CCDC102B: variants seen among roughly 807,000 people sequenced by gnomAD.
CCDC102B encodes the protein coiled-coil domain-containing protein 102B.
A neutral mutation model predicts 57.4 loss-of-function variants in CCDC102B; 75 were observed. That is an observed-to-expected ratio of 1.31 (90% CI 1.08 to 1.58). The LOEUF is 1.58. CCDC102B is among the 40% of genes most tolerant of loss of function. The pLI is 0.00. For synonymous variants in CCDC102B, 206 were observed against 201.9 expected (o/e 1.02, Z -0.17); for missense variants, 636 against 582.6 (o/e 1.09, Z -0.94).
intron 2 of CCDC102B, among the ~76,000 whole-genome samples, chr18:68,786,769 G>A (rs1347864360): frequency 6.6e-6 from 1 of 150,546 alleles, no homozygotes; most frequent in African/African-American, 2.4e-5. Context: ...CATGTCGTCT[G>A]CAAACAGGGA....
At chr18:69,022,806 A>T (rs925015591) in intron 7 of CCDC102B, among the ~76,000 whole-genome samples, 1 of 151,896 alleles carries the variant, frequency 6.6e-6, no homozygotes, top group Non-Finnish European at 1.5e-5. Flanking sequence ...ATTTTAATTT[A>T]TGTTTACCCT....
chr18:68,780,003 T>A (rs1017526405), intron 2 of CCDC102B, among the ~76,000 whole-genome samples: 1 of 152,150 alleles, frequency 6.6e-6, no homozygotes, highest in African/African-American at 2.4e-5. Flanking sequence ...CCTGTGTGCA[T>A]CAGCAGTCAC....
intron 6 of CCDC102B, among the ~76,000 whole-genome samples, chr18:68,992,471 C>G (rs117003141): frequency 1.1e-4 from 17 of 152,116 alleles, no homozygotes; most frequent in African/African-American, 4.1e-4. Flanking sequence ...CTACAATGAT[C>G]GAATCGCCCG....
At chr18:68,864,822 A>G (rs1232853520) in intron 4 of CCDC102B, among the ~76,000 whole-genome samples, 1 of 152,094 alleles carries the variant, frequency 6.6e-6, no homozygotes, top group African/African-American at 2.4e-5. Context: ...AGAGCTGACT[A>G]TTCTTAATAT....
intron 2 of CCDC102B, among the ~76,000 whole-genome samples, chr18:68,717,764 T>C (rs1268797045): frequency 1.3e-5 from 2 of 152,240 alleles, no homozygotes; most frequent in Non-Finnish European, 2.9e-5. Flanking sequence ...TAAAAGACTT[T>C]CAGATAAGCT....
Position 68,897,435 on chromosome 18 carries a change from G to A in CCDC102B, c.1263+7G>A, listed in dbSNP as rs897683539. On this transcript the variant is annotated splice_region_variant and intron_variant, in intron 6 of 7. Coordinates refer to ENST00000360242, the MANE Select transcript of CCDC102B (RefSeq NM_024781.3). ...TCTGCAAGAAAAAAACCAGGTATGGGTGCTCCTTGGAGCAAATTCTCACTG... is the reference window on the plus strand; with the variant it reads ...TCTGCAAGAAAAAAACCAGGTATGGATGCTCCTTGGAGCAAATTCTCACTG... The A allele has an allele frequency of 2.5e-6, 4 of 1,609,810 alleles. No homozygotes were observed. Among genetic ancestry groups the A allele is most frequent in the Non-Finnish European group, 3.4e-6 (4 of 1,177,906 alleles).
In CCDC102B at chr18:68,874,159, AGTGTGTGTGTAT is replaced by A. The variant is rs1457086019; in HGVS notation, c.937-499_937-488del. 4.5e-3 allele frequency among the ~76,000 whole-genome samples: 559 copies of A among 124,208 alleles called. 2 individuals are homozygous for A. The highest frequency in any genetic ancestry group is 0.016 in the African/African-American group (518 of 32,944). 81.5% of individuals were successfully genotyped at this position (124,208 alleles called of 152,430 possible). ...CTTCATATATTTTATCAGCCCAAGC[AGTGTGTGTGTAT>A]GTGTGTGTGTGTGTGTGTGTGTGTG... On this transcript the variant is annotated intron_variant, in intron 4 of 7. Coordinates refer to ENST00000360242, the MANE Select transcript of CCDC102B (RefSeq NM_024781.3).
intron 3 of CCDC102B, among the ~76,000 whole-genome samples, chr18:68,839,382 T>A (rs1269248272): frequency 3.3e-5 from 5 of 152,200 alleles, no homozygotes; most frequent in Admixed American, 3.3e-4. Context: ...TTTTGCTTAA[T>A]TGGCCTGGAT....
intron 6 of CCDC102B, among the ~76,000 whole-genome samples, chr18:68,944,512 T>C (rs1335019696): frequency 6.6e-6 from 1 of 151,468 alleles, no homozygotes; most frequent in Non-Finnish European, 1.5e-5. Context: ...AATCCTTGCA[T>C]GTTAGAAGGG....
intron 3 of CCDC102B, among the ~76,000 whole-genome samples, chr18:68,840,400 CT>C (rs1178563401): frequency 1.3e-5 from 2 of 152,092 alleles, no homozygotes; most frequent in Non-Finnish European, 2.9e-5. Flanking sequence ...ATTAGTCCCT[CT>C]GAAATTTACT....
intron 2 of CCDC102B, chr18:68,721,620 A>G (rs998134088): frequency 1.3e-5 from 2 of 152,232 alleles, no homozygotes; most frequent in African/African-American, 4.8e-5. Context: ...GAATCTGATA[A>G]AAGAGGATGA....
chr18:68,814,968 C>T (rs562491889), intron 1 of CCDC102B, among the ~76,000 whole-genome samples: 39 of 152,176 alleles, frequency 2.6e-4, no homozygotes, highest in African/African-American at 8.7e-4. Context: ...TAGTATTTGC[C>T]AGTAAAAATT....
chr18:68,897,669 A>G, intron 6 of CCDC102B: 1 of 1,418,438 alleles, frequency 7.1e-7, no homozygotes. Flanking sequence ...TCCAAAAGGA[A>G]GAAGAAAAAT....
intron 2 of CCDC102B, chr18:68,718,279 A>G (rs2032136429): frequency 6.6e-6 from 1 of 152,208 alleles, no homozygotes; most frequent in East Asian, 1.9e-4. Context: ...TAATAGTATA[A>G]TAGAGTAGAA....
intron 6 of CCDC102B, among the ~76,000 whole-genome samples, chr18:68,937,878 A>T (rs1341858826): frequency 2.0e-5 from 3 of 151,642 alleles, no homozygotes; most frequent in African/African-American, 7.3e-5. Flanking sequence ...TGTTCTTGTG[A>T]TAGTTTGCTG....
chr18:68,955,888 T>A (rs2049831820), intron 6 of CCDC102B, among the ~76,000 whole-genome samples: 1 of 152,074 alleles, frequency 6.6e-6, no homozygotes, highest in African/African-American at 2.4e-5. Flanking sequence ...TCAGCTCAAT[T>A]ATTTATCCTT....
chr18:68,965,886 G>A (rs2050154761), intron 6 of CCDC102B, among the ~76,000 whole-genome samples: 1 of 152,062 alleles, frequency 6.6e-6, no homozygotes, highest in African/African-American at 2.4e-5. Flanking sequence ...TATACCACCT[G>A]TTAATTCCAG....
intron 4 of CCDC102B, among the ~76,000 whole-genome samples, chr18:68,853,402 T>C (rs907691486): frequency 1.3e-5 from 2 of 151,778 alleles, no homozygotes; most frequent in African/African-American, 2.4e-5. Flanking sequence ...TTGGAAAAAG[T>C]CTGGAAAAAA....
At chr18:68,758,512 G>T (rs1352239083) in intron 2 of CCDC102B, among the ~76,000 whole-genome samples, 1 of 151,898 alleles carries the variant, frequency 6.6e-6, no homozygotes, top group Non-Finnish European at 1.5e-5. Context: ...ACCATTATCA[G>T]TAGGACTCAC....
Sources: allele counts gnomAD v4.1 joint callset (sites outside exome capture counted in the v4.1 genomes callset), GRCh38; gene constraint gnomAD v4.1.1; transcripts MANE v1.5; gene names NCBI Gene and HGNC (gene_info 2026-07-23, HGNC 2026-07-21).